Variants in GRM5 observed in about 807,000 individuals in gnomAD.
GRM5 encodes metabotropic glutamate receptor 5.
In GRM5, 19 loss-of-function variants were observed where a neutral mutation model predicts 83.1. The ratio of observed to expected loss-of-function variants is 0.23; its 90% confidence interval spans 0.16 to 0.34. The LOEUF is 0.34. GRM5 is among the 10% of genes least tolerant of loss of function. The pLI is 1.00. For synonymous variants in GRM5, 675 were observed against 633.6 expected (o/e 1.07, Z -0.98); for missense variants, 1,160 against 1,588.3 (o/e 0.73, Z 4.58).
intron 2 of GRM5, among the ~76,000 whole-genome samples, chr11:88,993,716 G>C (rs1474228390): frequency 6.6e-6 from 1 of 151,964 alleles, no homozygotes; most frequent in Non-Finnish European, 1.5e-5. Flanking sequence ...TTTATTTCTG[G>C]TGTTTTTAGT....
intron 3 of GRM5, among the ~76,000 whole-genome samples, chr11:88,736,986 T>A (rs1463514628): frequency 6.6e-6 from 1 of 152,050 alleles, no homozygotes; most frequent in Non-Finnish European, 1.5e-5. Context: ...AGTGGATAGA[T>A]CAGATTAAGT....
chr11:88,720,448 G>GAGAT (rs989621066), intron 3 of GRM5, among the ~76,000 whole-genome samples: 5 of 152,032 alleles, frequency 3.3e-5, no homozygotes, highest in East Asian at 1.9e-4. Flanking sequence ...AAGGTAACTT[G>GAGAT]AGATAGGAGT....
At chr11:89,048,636 G>T (rs1483055341) in intron 1 of GRM5, among the ~76,000 whole-genome samples, 1 of 151,982 alleles carries the variant, frequency 6.6e-6, no homozygotes, top group East Asian at 1.9e-4. Flanking sequence ...AATCTTCTCA[G>T]GAATAAATAA....
In GRM5 at chr11:88,787,836, G is replaced by T. The variant is rs962661021; in HGVS notation, c.911+62070C>A. 3.9e-5 allele frequency among the ~76,000 whole-genome samples: 6 copies of T among 152,196 alleles called. No individual in the cohort carries two copies. In the East Asian group the frequency reaches 9.7e-4, roughly 25 times the overall value. On this transcript the variant is annotated intron_variant, in intron 3 of 9. Transcript: ENST00000305447. ...GTAGGGAAATGAATGGGGAAAAAGG[G>T]ATAAAAAAGGGATAGAAATTTGGTT...
chr11:88,906,131 A>G (rs1945399202), intron 2 of GRM5, among the ~76,000 whole-genome samples: 3 of 152,180 alleles, frequency 2.0e-5, no homozygotes, highest in African/African-American at 7.2e-5. Context: ...TGTCTCTCTT[A>G]GCCAGATAAA....
intron 3 of GRM5, among the ~76,000 whole-genome samples, chr11:88,668,232 A>ACAC (rs397804419): frequency 2.0e-5 from 3 of 149,348 alleles, no homozygotes; most frequent in South Asian, 2.1e-4. Context: ...ACACACACAC[A>ACAC]AAGACAGAAT....
chr11:89,046,409 C>T (rs1033521761), intron 2 of GRM5, among the ~76,000 whole-genome samples: 19 of 151,544 alleles, frequency 1.3e-4, no homozygotes, highest in Non-Finnish European at 2.2e-4. Context: ...GCATAACAAG[C>T]GAGTCTGCCC....
intron 2 of GRM5, among the ~76,000 whole-genome samples, chr11:89,046,314 G>A (rs376490128): frequency 9.9e-5 from 15 of 152,018 alleles, no homozygotes; most frequent in East Asian, 7.7e-4. Flanking sequence ...ACAATAATTC[G>A]ATGATTTATA....
intron 2 of GRM5, among the ~76,000 whole-genome samples, chr11:88,995,908 C>T (rs2135058735): frequency 6.6e-6 from 1 of 152,054 alleles, no homozygotes; most frequent in East Asian, 1.9e-4. Flanking sequence ...GGCTGCTTTC[C>T]TCACCTGAAT....
chr11:88,570,922 A>G (rs973004879), intron 7 of GRM5, among the ~76,000 whole-genome samples: 1 of 152,004 alleles, frequency 6.6e-6, no homozygotes, highest in African/African-American at 2.4e-5. Flanking sequence ...TTTGACAATA[A>G]AATTTATTAA....
intron 9 of GRM5, among the ~76,000 whole-genome samples, chr11:88,523,442 T>A (rs765866079): frequency 6.6e-6 from 1 of 152,144 alleles, no homozygotes; most frequent in East Asian, 1.9e-4. Context: ...TTTTCAAGGA[T>A]ATGAATTATG....
intron 1 of GRM5, among the ~76,000 whole-genome samples, chr11:89,058,762 T>C (rs1400303648): frequency 6.6e-6 from 1 of 152,196 alleles, no homozygotes; most frequent in African/African-American, 2.4e-5. Flanking sequence ...TATCACAAAT[T>C]ACAAGAAATG....
chr11:88,916,369 T>A (rs948036737), intron 2 of GRM5, among the ~76,000 whole-genome samples: 3 of 152,028 alleles, frequency 2.0e-5, no homozygotes, highest in African/African-American at 7.2e-5. Flanking sequence ...GGAGAGTGCA[T>A]TGATTTTGAG....
At chr11:88,979,203 T>A (rs1277778974) in intron 2 of GRM5, among the ~76,000 whole-genome samples, 1 of 152,172 alleles carries the variant, frequency 6.6e-6, no homozygotes, top group Non-Finnish European at 1.5e-5. Context: ...GAGTAATTAG[T>A]TTATCCTGAG....
At chr11:88,687,919 C>G (rs1405779969) in intron 3 of GRM5, among the ~76,000 whole-genome samples, 1 of 152,010 alleles carries the variant, frequency 6.6e-6, no homozygotes, top group Non-Finnish European at 1.5e-5. Context: ...CAATTGCAAT[C>G]TTCCTTCCGC....
chr11:88,658,481 A>G (rs1052037942), intron 3 of GRM5, among the ~76,000 whole-genome samples: 1 of 152,168 alleles, frequency 6.6e-6, no homozygotes, highest in Admixed American at 6.6e-5. Flanking sequence ...TTGAAATTGT[A>G]TTGAAACTGA....
chr11:89,023,243 C>A (rs1195082424), intron 2 of GRM5, among the ~76,000 whole-genome samples: 1 of 151,770 alleles, frequency 6.6e-6, no homozygotes, highest in African/African-American at 2.4e-5. Context: ...TTTCATACAC[C>A]ATCAGGGGGG....
intron 2 of GRM5, among the ~76,000 whole-genome samples, chr11:88,978,946 G>C (rs1251253683): frequency 6.6e-6 from 1 of 152,156 alleles, no homozygotes; most frequent in African/African-American, 2.4e-5. Context: ...TCTTTACTGT[G>C]TGAGAAAAGA....
At chr11:88,516,606 TGATGTACGAAGGG>T (rs980297545) in intron 9 of GRM5, among the ~76,000 whole-genome samples, 2 of 152,172 alleles carry the variant, frequency 1.3e-5, no homozygotes, top group Non-Finnish European at 2.9e-5. Context: ...GACTTAAATC[TGATGTACGAAGGG>T]GATGTTAGTT....
Sources: allele counts gnomAD v4.1 joint callset (sites outside exome capture counted in the v4.1 genomes callset), GRCh38; gene constraint gnomAD v4.1.1; transcripts MANE v1.5; gene names NCBI Gene and HGNC (gene_info 2026-07-23, HGNC 2026-07-21).